The following ACTR6 variants were observed in gnomAD, a reference collection of about 807,000 sequenced individuals.
ACTR6 encodes the protein actin-related protein 6.
ACTR6 carries 50 observed loss-of-function variants against 52.5 expected under a neutral mutation model. The observed-to-expected ratio is 0.95, with a 90% CI of 0.76 to 1.20. The LOEUF is 1.20. Ranked by LOEUF, ACTR6 falls within the 50% of genes most tolerant of loss-of-function variation. ACTR6 has a pLI of 0.00. For missense variants in ACTR6, 344 were observed against 472.4 expected (o/e 0.73, Z 2.52); for synonymous variants, 135 against 147.2 (o/e 0.92, Z 0.60).
chr12:100,214,635 C>T (rs1004225208), intron 8 of ACTR6, among the ~76,000 whole-genome samples: 14 of 151,662 alleles, frequency 9.2e-5, no homozygotes, highest in Non-Finnish European at 1.8e-4. Context: ...CTCAGGAGGC[C>T]GAGTTGGGAG....
intron 8 of ACTR6, among the ~76,000 whole-genome samples, chr12:100,213,006 CAAAAAAAAAAAA>C (rs60253803): frequency 1.5e-5 from 1 of 66,722 alleles, no homozygotes; most frequent in Non-Finnish European, 3.2e-5. Context: ...GACTCTGTCT[CAAAAAAAAAAAA>C]AAAAAAAAAA....
In ACTR6 at chr12:100,207,750, G is replaced by A. The variant is rs2096116090; in HGVS notation, c.343G>A (p.Glu115Lys). ...IQESMNEILF[E>K]EYQFQAVLRV... is the part of the protein sequence containing the mutation. ...AGAATCAATGAATGAAATTCTATTT[G>A]AAGAATACCAGTTTCAAGCAGTATT... The change falls in exon 4 of 11, where the codon GAA (glutamate) becomes AAA (lysine). Residue 115 changes from glutamate to lysine, a missense_variant. Physicochemically the swap from Glu to Lys is moderately conservative, Grantham distance 56. Transcript: ENST00000188312. 6.3e-7 allele frequency: 1 copy of A among 1,597,332 alleles called. No homozygotes were observed. Among genetic ancestry groups the A allele is most frequent in the South Asian group, 1.1e-5 (1 of 90,568 alleles).
rs2096125717 is a variant in ACTR6 at position 100,218,721 on chromosome 12, A to G, written c.922+135A>G. ...TTATTTGCAGAGATTTGTAGATCCC[A>G]TAATGCATTTATATAATTCTTGATT... On this transcript the variant is annotated intron_variant, in intron 9 of 10. Transcript: ENST00000188312. The surrounding 1 kb of genome is among the most constrained non-coding windows in gnomAD (Gnocchi z 4.2). 1 of 483,542 alleles carries G rather than the reference A, an allele frequency of 2.1e-6. No homozygotes were observed. Among genetic ancestry groups the G allele is most frequent in the African/African-American group, 2.0e-5 (1 of 49,966 alleles). 30.0% of individuals were successfully genotyped at this position (483,542 alleles called of 1,614,324 possible). A position where few individuals can be genotyped will look rare whatever the true frequency, so the allele number is the denominator to read the frequency against.
At chr12:100,209,492 T>G (rs2096118029) in intron 4 of ACTR6, among the ~76,000 whole-genome samples, 1 of 151,700 alleles carries the variant, frequency 6.6e-6, no homozygotes, top group Admixed American at 6.6e-5. Context: ...ACCGGGAAGG[T>G]GCTACTGGCA....
intron 2 of ACTR6, 93 bp downstream of exon 2, chr12:100,205,150 T>A: frequency 1.3e-6 from 1 of 770,138 alleles, no homozygotes; most frequent in Non-Finnish European, 2.0e-6. Context: ...GTAACTTAAA[T>A]TTTAACTACA....
rs17030036 is a variant in ACTR6, at chr12:100,205,720, C to T, written c.231C>T (p.Tyr77=). The change falls in exon 3 of 11, where the codon TAC becomes TAT. Residue 77 remains tyrosine, a synonymous_variant. Transcript: ENST00000188312. ...NWDVQRQVWD[Y]LFGKEMYQVD... Reference sequence around the variant, plus strand: ...ATGTTCAGAGACAAGTTTGGGATTACCTTTTTGGAAAAGAAATGTATCAGG... The same window carrying T: ...ATGTTCAGAGACAAGTTTGGGATTATCTTTTTGGAAAAGAAATGTATCAGG... The T allele has an allele frequency of 2.9e-3, 4,464 of 1,516,138 alleles. 124 individuals are homozygous for T. In the African/African-American group the frequency reaches 0.057, roughly 19 times the overall value. 93.9% of individuals were successfully genotyped at this position (1,516,138 alleles called of 1,614,324 possible). A position where few individuals can be genotyped will look rare whatever the true frequency, so the allele number is the denominator to read the frequency against.
intron 10 of ACTR6, among the ~76,000 whole-genome samples, chr12:100,221,013 CA>C (rs371896409): frequency 1.1e-3 from 112 of 100,608 alleles, no homozygotes; most frequent in Middle Eastern, 6.8e-3. Flanking sequence ...ACCCCCCTGG[CA>C]AAAAAAAAAA....
rs1220644482 is a variant in ACTR6, at chr12:100,219,176, AAAAG to A, written c.922+594_922+597del. ...TCCTCTCATTAAAAAAAAAAAAAAA[AAAAG>A]AAAAACATAATGCTGTCCATACATA... On this transcript the variant is annotated intron_variant, in intron 9 of 10. Transcript: ENST00000188312. Among the ~76,000 whole-genome samples the A allele has an allele frequency of 4.0e-5, 6 of 151,586 alleles. 1 individual carries two copies. The South Asian group carries it at 1.1e-3, about 27-fold the overall frequency.
chr12:100,214,824 G>C lies in ACTR6; in HGVS notation c.750+2296G>C, dbSNP rs955316348. 2.6e-5 allele frequency among the ~76,000 whole-genome samples: 4 copies of C among 152,332 alleles called. No individual in the cohort carries two copies. The East Asian group carries it at 7.7e-4, about 29-fold the overall frequency. ...GCTTTCAGAAATGGGAATTGAGATA[G>C]ATGATGGGATAAGGTTGCCTGGGCA... On this transcript the variant is annotated intron_variant, in intron 8 of 10. Coordinates refer to ENST00000188312, the MANE Select transcript of ACTR6 (RefSeq NM_022496.5).
chr12:100,218,684 G>A lies in ACTR6; in HGVS notation c.922+98G>A. On this transcript the variant is annotated intron_variant, in intron 9 of 10. Coordinates refer to ENST00000188312, the MANE Select transcript of ACTR6 (RefSeq NM_022496.5). The surrounding 1 kb of genome is among the most constrained non-coding windows in gnomAD (Gnocchi z 4.2). The stretch of plus-strand genomic sequence containing the variant: ...TCCTCTAAATAATTTCAGGCAAATT[G>A]GTGAGTCTGTTTTATTTGCAGAGAT... The A allele has an allele frequency of 1.4e-6, 1 of 733,070 alleles. No individual in the cohort carries two copies. Among genetic ancestry groups the A allele is most frequent in the Non-Finnish European group, 1.9e-6 (1 of 520,918 alleles). 45.4% of individuals were successfully genotyped at this position (733,070 alleles called of 1,614,324 possible).
intron 1 of ACTR6, 33 bp downstream of exon 1, chr12:100,200,952 T>TA (rs1358049588): frequency 5.0e-6 from 8 of 1,613,854 alleles, no homozygotes; most frequent in Non-Finnish European, 5.9e-6. Context: ...GGACAAGATA[T>TA]ATACGCCTAG....
In ACTR6 at chr12:100,205,039, C is replaced by T. The variant is rs2096113337; in HGVS notation, c.168C>T (p.Tyr56=). 8.8e-6 allele frequency: 14 copies of T among 1,583,760 alleles called. No individual in the cohort carries two copies. The highest frequency in any genetic ancestry group is 1.2e-5 in the Non-Finnish European group (14 of 1,158,364). Reference sequence around the variant, plus strand: ...TAAAAGACCCTTCTGGACTCTTTTACATCCTCCCTTTTCAAAAGGTAATCC... The same window carrying T: ...TAAAAGACCCTTCTGGACTCTTTTATATCCTCCCTTTTCAAAAGGTAATCC... ...DEIKDPSGLF[Y]ILPFQKGYLV... Residue 56 remains tyrosine (Y), a synonymous_variant, in exon 2 of 11, where the codon TAC becomes TAT. Transcript: ENST00000188312.
intron 6 of ACTR6, among the ~76,000 whole-genome samples, chr12:100,211,394 C>T (rs1278310633): frequency 6.6e-6 from 1 of 152,082 alleles, no homozygotes; most frequent in Non-Finnish European, 1.5e-5. Context: ...GCCTCAGCCT[C>T]CCAAGTAGCT....
At chr12:100,202,301 T>A (rs2096110422) in intron 1 of ACTR6, among the ~76,000 whole-genome samples, 2 of 152,224 alleles carry the variant, frequency 1.3e-5, no homozygotes, top group South Asian at 4.1e-4. Context: ...AGTCATCGTA[T>A]ACAGGCAGCC....
chr12:100,207,227 TTTA>T (rs918157419), intron 3 of ACTR6, among the ~76,000 whole-genome samples: 3 of 152,014 alleles, frequency 2.0e-5, no homozygotes, highest in Non-Finnish European at 4.4e-5. Context: ...TTAATTTTTA[TTTA>T]TTATTATTAT....
Position 100,212,879 on chromosome 12 carries a change from TGCCTGTAGTCCCA to T in ACTR6, c.750+354_750+366del. Among the ~76,000 whole-genome samples, 3 of 151,612 alleles carry T rather than the reference TGCCTGTAGTCCCA, an allele frequency of 2.0e-5. No individual in the cohort carries two copies. The South Asian group carries it at 6.3e-4, about 32-fold the overall frequency. On this transcript the variant is annotated intron_variant, in intron 8 of 10. Coordinates refer to ENST00000188312, the MANE Select transcript of ACTR6 (RefSeq NM_022496.5). Reference sequence around the variant, plus strand: ...AAAATTAGCCAGGTGTGGTGGCAGGTGCCTGTAGTCCCAGCTACTTGGGAGGCTGAGGCAGGAG... The same window carrying T: ...AAAATTAGCCAGGTGTGGTGGCAGGTGCTACTTGGGAGGCTGAGGCAGGAG...
intron 6 of ACTR6, among the ~76,000 whole-genome samples, chr12:100,211,124 G>T (rs980680980): frequency 6.6e-6 from 1 of 152,180 alleles, no homozygotes; most frequent in African/African-American, 2.4e-5. Context: ...TAGTAGCTGG[G>T]ATTACTGACC....
intron 1 of ACTR6, 147 bp from the exon 2 acceptor site, chr12:100,204,793 T>G: frequency 1.8e-6 from 1 of 555,264 alleles, no homozygotes; most frequent in East Asian, 3.1e-5. Context: ...CTCCCAGCCT[T>G]TGGTATTATT....
chr12:100,206,843 T>A, intron 3 of ACTR6, among the ~76,000 whole-genome samples: 1 of 150,132 alleles, frequency 6.7e-6, no homozygotes. Context: ...TCTTTTTTTT[T>A]TTTTTTTTGT....
Sources: allele counts gnomAD v4.1 joint callset (sites outside exome capture counted in the v4.1 genomes callset), GRCh38; gene constraint gnomAD v4.1.1; non-coding constraint Gnocchi (gnomAD v3.1); transcripts MANE v1.5; gene names NCBI Gene and HGNC (gene_info 2026-07-23, HGNC 2026-07-21).